SCN10A: variants seen among roughly 807,000 people sequenced by gnomAD.
The protein encoded by SCN10A is sodium channel protein type 10 subunit alpha.
A neutral mutation model predicts 170.7 loss-of-function variants in SCN10A; 162 were observed. The observed-to-expected ratio is 0.95, with a 90% CI of 0.84 to 1.08. SCN10A has a LOEUF of 1.08. Among genes scored for constraint, SCN10A ranks in the 50% least tolerant of loss-of-function variants. The pLI is 0.00. For missense variants in SCN10A, 2,527 were observed against 2,436.9 expected, an observed-to-expected ratio of 1.04 and a Z score of -0.78; for synonymous variants, 985 against 904.6, an observed-to-expected ratio of 1.09 and a Z score of -1.59.
At chr3:38,806,244 T>A (rs13323196) in intron 1 of SCN10A, among the ~76,000 whole-genome samples, 1 of 152,292 alleles carries the variant, frequency 6.6e-6, no homozygotes, top group Non-Finnish European at 1.5e-5. Flanking sequence ...CCCACCAGAA[T>A]GGAGATCCAA....
intron 1 of SCN10A, among the ~76,000 whole-genome samples, chr3:38,802,945 A>T (rs923711526): frequency 2.0e-5 from 3 of 152,210 alleles, no homozygotes; most frequent in African/African-American, 7.2e-5. Flanking sequence ...ACTCCAACAA[A>T]TTTACAAGAA....
At chr3:38,731,720 A>G (rs1001696565) in intron 15 of SCN10A, among the ~76,000 whole-genome samples, 1 of 152,204 alleles carries the variant, frequency 6.6e-6, no homozygotes, top group Non-Finnish European at 1.5e-5. Flanking sequence ...TTCATATTGC[A>G]TACTAACTCC....
chr3:38,754,820 A>G (rs2063785446), intron 11 of SCN10A, among the ~76,000 whole-genome samples: 1 of 152,336 alleles, frequency 6.6e-6, no homozygotes, highest in Non-Finnish European at 1.5e-5. Flanking sequence ...GGCTTAGCAC[A>G]GGAAAAGAGA....
At chr3:38,773,580 T>C (rs1456588678) in intron 4 of SCN10A, among the ~76,000 whole-genome samples, 1 of 152,064 alleles carries the variant, frequency 6.6e-6, no homozygotes, top group African/African-American at 2.4e-5. Context: ...TGGGAACAAA[T>C]TAGGGATAAA....
intron 13 of SCN10A, among the ~76,000 whole-genome samples, chr3:38,743,961 A>G (rs1409650154): frequency 6.6e-6 from 1 of 152,162 alleles, no homozygotes; most frequent in East Asian, 1.9e-4. Flanking sequence ...GCAATTTCTT[A>G]GCTTTAGGTT....
rs188660331 is a variant in SCN10A at position 38,774,298 on chromosome 3, T to C, written c.471-2891A>G. Among the ~76,000 whole-genome samples the C allele has an allele frequency of 4.3e-4, 66 of 152,250 alleles. 1 individual carries two copies. Among genetic ancestry groups the C allele is most frequent in the Admixed American group, 1.4e-3 (22 of 15,296 alleles). Reference sequence around the variant, plus strand: ...GGGAAGCTTTGATGGATATTTCTGGTTTGTCAAATCAAACACAGACCCAGA... The same window carrying C: ...GGGAAGCTTTGATGGATATTTCTGGCTTGTCAAATCAAACACAGACCCAGA... On this transcript the variant is annotated intron_variant, in intron 4 of 27. Transcript: ENST00000449082.
At chr3:38,712,583 T>G (rs1319952768) in intron 22 of SCN10A, 138 bp from the exon 23 acceptor site, 29 of 795,294 alleles carry the variant, frequency 3.6e-5, no homozygotes, top group African/African-American at 7.0e-5. Context: ...GGTTAATTAG[T>G]GCAATAATTC....
intron 8 of SCN10A, among the ~76,000 whole-genome samples, chr3:38,760,244 C>A (rs2126031349): frequency 6.6e-6 from 1 of 152,318 alleles, no homozygotes; most frequent in East Asian, 1.9e-4. Context: ...GCCTTGCAAA[C>A]TTCCACTGTT....
intron 4 of SCN10A, among the ~76,000 whole-genome samples, chr3:38,782,561 C>A (rs996886990): frequency 6.6e-6 from 1 of 152,042 alleles, no homozygotes; most frequent in Non-Finnish European, 1.5e-5. Context: ...TGCATTCTAT[C>A]TTCCATATTT....
chr3:38,815,719 TC>T (rs2064471806), intron 1 of SCN10A, among the ~76,000 whole-genome samples: 2 of 152,346 alleles, frequency 1.3e-5, no homozygotes, highest in African/African-American at 4.8e-5. Context: ...TAATAAAACA[TC>T]TTTTTATATC....
Position 38,726,696 on chromosome 3 carries a change from A to C in SCN10A, c.2997T>G (p.Ile999Met). 1 of 1,612,532 alleles carries C rather than the reference A, an allele frequency of 6.2e-7. No individual in the cohort carries two copies. The highest frequency in any genetic ancestry group is 8.5e-7 in the Non-Finnish European group (1 of 1,178,764). ...ANPTVWVSVP[I>M]AEGESDLDDL... ...CATCAAGATCAGATTCACCCTCAGC[A>C]ATGGGCACAGAGACCCACACAGTCG... The change falls in exon 17 of 28, where the codon ATT becomes ATG. Residue 999 changes from isoleucine (I) to methionine (M), a missense_variant. Transcript: ENST00000449082.
chr3:38,814,218 G>A (rs2064457727), intron 1 of SCN10A, among the ~76,000 whole-genome samples: 1 of 152,224 alleles, frequency 6.6e-6, no homozygotes, highest in African/African-American at 2.4e-5. Flanking sequence ...CAGAAAGGGA[G>A]AGCCTGGTGG....
chr3:38,739,547 C>A lies in SCN10A; in HGVS notation c.2248G>T (p.Gly750Ter). The A allele has an allele frequency of 1.9e-6, 3 of 1,614,094 alleles. No individual in the cohort carries two copies. Among genetic ancestry groups the A allele is most frequent in the Non-Finnish European group, 2.5e-6 (3 of 1,180,008 alleles). The change falls in exon 15 of 28, where the codon GGA becomes TGA. Residue 750 changes from glycine to a stop codon, truncating the protein, a stop_gained. Coordinates refer to ENST00000449082, the MANE Select transcript of SCN10A (RefSeq NM_006514.4). LOFTEE classifies it high-confidence loss of function. ...SLLELGVAKK[G>*]SLSVLRSFRL... Reference sequence around the variant, plus strand: ...AAGCTCCGCAGCACAGACAGGCTTCCCTTCTTGGCCACGCCCAGCTCTAGC... The same window carrying A: ...AAGCTCCGCAGCACAGACAGGCTTCACTTCTTGGCCACGCCCAGCTCTAGC...
chr3:38,793,215 A>G (rs564712470), intron 2 of SCN10A, among the ~76,000 whole-genome samples: 1 of 152,156 alleles, frequency 6.6e-6, no homozygotes, highest in African/African-American at 2.4e-5. Flanking sequence ...ATATTCACCA[A>G]TGTATGATCA....
intron 21 of SCN10A, among the ~76,000 whole-genome samples, chr3:38,714,339 G>A (rs1373456583): frequency 6.6e-6 from 1 of 152,204 alleles, no homozygotes; most frequent in African/African-American, 2.4e-5. Context: ...CCTCTGGTAC[G>A]TAGGTGGCCA....
intron 4 of SCN10A, among the ~76,000 whole-genome samples, chr3:38,784,498 A>G (rs930852185): frequency 6.6e-6 from 1 of 152,188 alleles, no homozygotes; most frequent in Non-Finnish European, 1.5e-5. Flanking sequence ...AATAAGAACT[A>G]TTTATGACAA....
At chr3:38,787,303 A>T (rs1055718768) in intron 4 of SCN10A, among the ~76,000 whole-genome samples, 8 of 152,142 alleles carry the variant, frequency 5.3e-5, no homozygotes, top group Non-Finnish European at 1.0e-4. Context: ...TGGTATTTTT[A>T]AAAACTATTT....
chr3:38,776,997 G>A (rs939694399), intron 4 of SCN10A, among the ~76,000 whole-genome samples: 10 of 151,914 alleles, frequency 6.6e-5, no homozygotes, highest in African/African-American at 2.4e-4. Context: ...CATGATGAAA[G>A]TCTCAACAAA....
chr3:38,724,038 C>T (rs561825066), intron 18 of SCN10A, among the ~76,000 whole-genome samples: 2 of 152,306 alleles, frequency 1.3e-5, no homozygotes, highest in African/African-American at 4.8e-5. Context: ...AAAACCAACA[C>T]CCAGAAGTTG....
Sources: allele counts gnomAD v4.1 joint callset (sites outside exome capture counted in the v4.1 genomes callset), GRCh38; gene constraint gnomAD v4.1.1; transcripts MANE v1.5; gene names NCBI Gene and HGNC (gene_info 2026-07-23, HGNC 2026-07-21).